The following TOX variants were observed in gnomAD, a reference collection of about 807,000 sequenced individuals.
The protein encoded by TOX is thymocyte selection-associated high mobility group box protein TOX.
In TOX, 11 loss-of-function variants were observed where a neutral mutation model predicts 53.7. The ratio of observed to expected loss-of-function variants is 0.20; its 90% CI spans 0.13 to 0.34. The LOEUF is 0.34. TOX is among the 10% of genes least tolerant of loss of function. The pLI, the probability that TOX is intolerant of heterozygous loss-of-function variation, is 1.00. For missense variants in TOX, 570 were observed against 664.6 expected (o/e 0.86, Z 1.56); for synonymous variants, 225 against 245.3 (o/e 0.92, Z 0.77).
At chr8:58,915,227 G>T (rs9720593) in intron 3 of TOX, among the ~76,000 whole-genome samples, 6,100 of 149,738 alleles carry the variant, frequency 0.041, 399 homozygotes, top group African/African-American at 0.14. Flanking sequence ...GCCTGCCTCT[G>T]TAGGCTCCAC....
chr8:58,988,898 C>T (rs1352626460), intron 1 of TOX, among the ~76,000 whole-genome samples: 2 of 152,162 alleles, frequency 1.3e-5, no homozygotes, highest in African/African-American at 4.8e-5. Context: ...AGGCAGAGGG[C>T]AAAACTCCCA....
intron 1 of TOX, among the ~76,000 whole-genome samples, chr8:59,056,155 G>A (rs1585991639): frequency 6.6e-6 from 1 of 152,018 alleles, no homozygotes; most frequent in Admixed American, 6.6e-5. Flanking sequence ...GCCAGGTGTG[G>A]TGACTCATGC....
chr8:59,109,630 A>T (rs983350816), intron 1 of TOX, among the ~76,000 whole-genome samples: 16 of 152,132 alleles, frequency 1.1e-4, no homozygotes, highest in African/African-American at 3.6e-4. Context: ...ACCACTAGAC[A>T]TGATTAGCAC....
Position 58,950,804 on chromosome 8 carries a change from T to C in TOX, c.168+9139A>G, listed in dbSNP as rs1585919777. ...TCCTGGACTTGGACAAGAAAAGTAG[T>C]GGAGTGTGGAGGGAAAGGACTGGGC... On this transcript the variant is annotated intron_variant, in intron 2 of 8. Transcript: ENST00000361421. Among the ~76,000 whole-genome samples, 3 of 151,808 alleles carry C rather than the reference T, an allele frequency of 2.0e-5. No individual in the cohort carries two copies. The South Asian group carries it at 6.2e-4, about 32-fold the overall frequency.
intron 3 of TOX, among the ~76,000 whole-genome samples, chr8:58,863,044 G>C (rs909115023): frequency 4.6e-5 from 7 of 152,002 alleles, no homozygotes; most frequent in African/African-American, 1.5e-4. Flanking sequence ...TCATTTACTG[G>C]TTTAACACCT....
chr8:59,014,110 C>A (rs1288833997), intron 1 of TOX, among the ~76,000 whole-genome samples: 1 of 152,182 alleles, frequency 6.6e-6, no homozygotes, highest in Non-Finnish European at 1.5e-5. Context: ...AATCATCCAG[C>A]ATCTTTAAAG....
intron 1 of TOX, among the ~76,000 whole-genome samples, chr8:59,057,787 C>G (rs1230191980): frequency 6.6e-6 from 1 of 152,100 alleles, no homozygotes; most frequent in Non-Finnish European, 1.5e-5. Flanking sequence ...TAATAATCAG[C>G]TGTTTTTGTA....
At chr8:58,814,620 A>G (rs1810141997) in intron 7 of TOX, 1 of 152,212 alleles carries the variant, frequency 6.6e-6, no homozygotes, top group South Asian at 2.1e-4. Flanking sequence ...TGTTCAGTTT[A>G]GTTTATATTG....
At chr8:58,814,207 T>C (rs143724645) in intron 7 of TOX, among the ~76,000 whole-genome samples, 2 of 152,188 alleles carry the variant, frequency 1.3e-5, no homozygotes, top group Non-Finnish European at 1.5e-5. Context: ...TTTCTGCCTC[T>C]CCTTCCGCTT....
intron 1 of TOX, among the ~76,000 whole-genome samples, chr8:59,018,385 G>A (rs1298450209): frequency 1.3e-5 from 2 of 152,112 alleles, no homozygotes; most frequent in Non-Finnish European, 2.9e-5. Context: ...CTGGCAGTTG[G>A]GCTTAGCAAC....
At chr8:58,825,982 T>C (rs1260662386) in intron 6 of TOX, among the ~76,000 whole-genome samples, 1 of 152,228 alleles carries the variant, frequency 6.6e-6, no homozygotes, top group Non-Finnish European at 1.5e-5. Context: ...TTTACTGAAA[T>C]TTCTTATGCA....
At chr8:59,028,705 C>T (rs994936675) in intron 1 of TOX, among the ~76,000 whole-genome samples, 2 of 152,102 alleles carry the variant, frequency 1.3e-5, no homozygotes, top group Non-Finnish European at 2.9e-5. Context: ...GAAAAATAGA[C>T]TTTTTGAAAG....
At chr8:58,891,895 A>C (rs536611813) in intron 3 of TOX, among the ~76,000 whole-genome samples, 1 of 152,314 alleles carries the variant, frequency 6.6e-6, no homozygotes, top group African/African-American at 2.4e-5. Context: ...CTCACTGAGA[A>C]GTATGATATT....
intron 3 of TOX, among the ~76,000 whole-genome samples, chr8:58,872,055 G>A (rs527308047): frequency 3.3e-5 from 5 of 151,996 alleles, no homozygotes; most frequent in Non-Finnish European, 7.4e-5. Context: ...TACAAGATAA[G>A]TCTGGAGCAT....
rs1174716509 is a variant in TOX, at chr8:59,092,264, T to TATATATACA, written c.102+26621_102+26622insTGTATATAT. ...AAGACTCCATCTCATATATATATAT[T>TATATATACA]TTATATATATATATATATTATATAT... is the stretch of plus-strand genomic sequence containing the variant. On this transcript the variant is annotated intron_variant, in intron 1 of 8. Transcript: ENST00000361421. Among the ~76,000 whole-genome samples the TATATATACA allele has an allele frequency of 2.3e-3, 117 of 51,876 alleles. 12 individuals carry two copies. The highest frequency in any genetic ancestry group is 0.017 in the African/African-American group (89 of 5,316). The allele number at this position is 51,876 out of a possible 152,430, so 34.0% of individuals were successfully genotyped here.
intron 4 of TOX, among the ~76,000 whole-genome samples, chr8:58,839,219 A>G (rs980031861): frequency 3.3e-5 from 5 of 152,244 alleles, no homozygotes; most frequent in African/African-American, 9.6e-5. Context: ...GCACTATTCT[A>G]TATGGCAGCC....
intron 3 of TOX, among the ~76,000 whole-genome samples, chr8:58,919,205 CTTT>C (rs1812031769): frequency 6.7e-6 from 1 of 148,560 alleles, no homozygotes; most frequent in African/African-American, 2.5e-5. Flanking sequence ...GAAAAAACTA[CTTT>C]AAAGTTCATA....
chr8:58,833,000 C>A (rs932289769), intron 5 of TOX, among the ~76,000 whole-genome samples: 10 of 152,118 alleles, frequency 6.6e-5, no homozygotes, highest in Non-Finnish European at 1.2e-4. Flanking sequence ...CTAGGTAAAT[C>A]CACTCTCCTC....
chr8:58,925,433 G>A (rs774820675), intron 3 of TOX, among the ~76,000 whole-genome samples: 5 of 152,210 alleles, frequency 3.3e-5, no homozygotes, highest in Non-Finnish European at 7.3e-5. Context: ...ATCCCCTGCT[G>A]TTGTGATAAA....
Sources: allele counts gnomAD v4.1 joint callset (sites outside exome capture counted in the v4.1 genomes callset), GRCh38; gene constraint gnomAD v4.1.1; transcripts MANE v1.5; gene names NCBI Gene and HGNC (gene_info 2026-07-23, HGNC 2026-07-21).